Variants in CD226 observed in about 807,000 individuals in gnomAD.
CD226 encodes the protein CD226 molecule.
In CD226, 24 loss-of-function variants were observed where a neutral mutation model predicts 34.9. The observed-to-expected ratio is 0.69, with a 90% CI of 0.50 to 0.97. CD226 has a LOEUF of 0.97. Ranked by LOEUF, CD226 falls within the 50% of genes least tolerant of loss-of-function variation. The pLI, the probability that CD226 is intolerant of heterozygous loss-of-function variation, is 0.00. For synonymous variants in CD226, 148 were observed against 147.4 expected, an observed-to-expected ratio of 1.00 and a Z score of -0.03; for missense variants, 397 against 412.7, an observed-to-expected ratio of 0.96 and a Z score of 0.33.
intron 3 of CD226, among the ~76,000 whole-genome samples, chr18:69,888,946 C>A (rs967866384): frequency 6.6e-6 from 1 of 151,924 alleles, no homozygotes; most frequent in Non-Finnish European, 1.5e-5. Flanking sequence ...TGACTGCAGG[C>A]AAACATTCTA....
At chr18:69,954,847 A>G (rs1227002901) in intron 1 of CD226, among the ~76,000 whole-genome samples, 2 of 152,162 alleles carry the variant, frequency 1.3e-5, no homozygotes, top group African/African-American at 4.8e-5. Flanking sequence ...GATGAGCCCT[A>G]TTTATCAACA....
intron 2 of CD226, among the ~76,000 whole-genome samples, chr18:69,933,862 T>C (rs986141660): frequency 3.9e-5 from 6 of 152,236 alleles, no homozygotes; most frequent in African/African-American, 4.8e-5. Flanking sequence ...TGTGAGTAGT[T>C]GAAAATATTT....
At chr18:69,874,170 G>A (rs1287334117) in intron 3 of CD226, among the ~76,000 whole-genome samples, 1 of 152,182 alleles carries the variant, frequency 6.6e-6, no homozygotes, top group Admixed American at 6.5e-5. Context: ...TTTGTCAACT[G>A]ATGGCAATGG....
In CD226 at chr18:69,860,079, A is replaced by G. The variant is rs967864036; in HGVS notation, c.*4235T>C. ...AAAAGTGAAACTCCGTCTCAAAAAA[A>G]TAATAATAAAATAAAATACAAAGAA... On this transcript the variant is annotated 3_prime_UTR_variant, in exon 6 of 6. Transcript: ENST00000582621. 1 of 152,238 alleles carries G rather than the reference A, an allele frequency of 6.6e-6. No individual in the cohort carries two copies. Among genetic ancestry groups the G allele is most frequent in the Non-Finnish European group, 1.5e-5 (1 of 68,042 alleles). The allele number at this position is 152,238 out of a possible 1,614,324, so 9.4% of individuals were successfully genotyped here.
chr18:69,944,449 C>T (rs906845240), intron 2 of CD226: 3 of 152,120 alleles, frequency 2.0e-5, no homozygotes, highest in Non-Finnish European at 2.9e-5. Context: ...GGAAATATTC[C>T]GAAGACTATT....
intron 2 of CD226, among the ~76,000 whole-genome samples, chr18:69,926,504 T>C (rs939693341): frequency 1.3e-5 from 2 of 152,174 alleles, no homozygotes; most frequent in African/African-American, 4.8e-5. Context: ...TTACATATGA[T>C]AGGGAGGAGG....
intron 3 of CD226, among the ~76,000 whole-genome samples, chr18:69,882,092 T>G (rs1984297599): frequency 6.6e-6 from 1 of 152,194 alleles, no homozygotes; most frequent in Admixed American, 6.5e-5. Flanking sequence ...AATAAAAGTA[T>G]TATCAGGTTT....
chr18:69,882,944 A>G (rs760871151), intron 3 of CD226, among the ~76,000 whole-genome samples: 4 of 152,252 alleles, frequency 2.6e-5, no homozygotes, highest in Non-Finnish European at 5.9e-5. Context: ...TTGGGATTAC[A>G]GGCAGGAGCC....
chr18:69,881,156 ATTT>A (rs1984236350), intron 3 of CD226, among the ~76,000 whole-genome samples: 1 of 152,230 alleles, frequency 6.6e-6, no homozygotes. Flanking sequence ...CACAAATATT[ATTT>A]GTCAACTAAA....
chr18:69,905,867 AT>A (rs2055246612), intron 2 of CD226, among the ~76,000 whole-genome samples: 1 of 152,360 alleles, frequency 6.6e-6, no homozygotes, highest in Admixed American at 6.5e-5. Context: ...AGAAGCAGCT[AT>A]TGCCCGACGG....
intron 2 of CD226, among the ~76,000 whole-genome samples, chr18:69,943,848 G>A (rs556183836): frequency 2.6e-5 from 4 of 151,966 alleles, no homozygotes; most frequent in Admixed American, 6.6e-5. Flanking sequence ...GTAAAATTCC[G>A]CACATAATAA....
In CD226 at chr18:69,861,859, C is replaced by G. The variant is rs944221256; in HGVS notation, c.*2455G>C. ...GAAAGAAAATGAATGAATGGAATTT[C>G]ACAAGCATTACCCCTGAGGGTATAA... On this transcript the variant is annotated 3_prime_UTR_variant, in exon 6 of 6. Coordinates refer to ENST00000582621, the MANE Select transcript of CD226 (RefSeq NM_001303618.2). 6.6e-6 allele frequency: 1 copy of G among 152,012 alleles called. No individual in the cohort carries two copies. The highest frequency in any genetic ancestry group is 2.4e-5 in the African/African-American group (1 of 41,422). 9.4% of individuals were successfully genotyped at this position (152,012 alleles called of 1,614,324 possible). A position where few individuals can be genotyped will look rare whatever the true frequency, so the allele number is the denominator to read the frequency against.
chr18:69,945,910 C>G (rs140349120), intron 2 of CD226, among the ~76,000 whole-genome samples: 1 of 152,120 alleles, frequency 6.6e-6, no homozygotes, highest in African/African-American at 2.4e-5. Context: ...CAGGGGAACT[C>G]CTCTTTTTTA....
intron 2 of CD226, among the ~76,000 whole-genome samples, chr18:69,944,854 C>T (rs1277695960): frequency 1.3e-5 from 2 of 152,166 alleles, no homozygotes; most frequent in Non-Finnish European, 2.9e-5. Context: ...AAACATTTAA[C>T]TAAAGAAACA....
intron 2 of CD226, among the ~76,000 whole-genome samples, chr18:69,910,720 T>G (rs936331779): frequency 1.3e-5 from 2 of 152,112 alleles, no homozygotes; most frequent in Admixed American, 1.3e-4. Flanking sequence ...CACAATAATG[T>G]GAGATGTTAA....
chr18:69,944,573 G>A (rs2055766289), intron 2 of CD226: 1 of 152,222 alleles, frequency 6.6e-6, no homozygotes, highest in African/African-American at 2.4e-5. Flanking sequence ...GTTGTCCTGT[G>A]ACAGAAACCA....
chr18:69,947,063 C>T lies in CD226; in HGVS notation c.53G>A (p.Cys18Tyr), dbSNP rs1274908347. ...LALLHVYRAL[C>Y]EEVLWHTSVP... ...TGATGTATGCCAAAGCACCTCTTCA[C>T]ATAGAGCTGAAATATACAACATCAC... The change falls in exon 2 of 6, where the codon TGT becomes TAT. Residue 18 changes from cysteine (C) to tyrosine (Y), a missense_variant. Physicochemically the swap from Cys to Tyr is radical, Grantham distance 194 (BLOSUM62 -2). Transcript: ENST00000582621. The T allele has an allele frequency of 1.2e-6, 2 of 1,612,178 alleles. No homozygotes were observed. Among genetic ancestry groups the T allele is most frequent in the Non-Finnish European group, 1.7e-6 (2 of 1,178,412 alleles).
upstream of CD226, among the ~76,000 whole-genome samples, chr18:69,948,978 T>C (rs567565167): frequency 2.6e-5 from 4 of 152,134 alleles, no homozygotes; most frequent in South Asian, 4.1e-4. Context: ...TTCTAATAGA[T>C]TGTGGAAAAG....
At position 69,876,957 on chromosome 18, in the gene CD226, A is replaced by G. The variant is rs1383181100; in HGVS notation, c.728-3711T>C. 1.0e-4 allele frequency among the ~76,000 whole-genome samples: 14 copies of G among 134,448 alleles called. No homozygotes were observed. In the Admixed American group the frequency reaches 1.2e-3, roughly 11 times the overall value. The allele number at this position is 134,448 out of a possible 152,430, so 88.2% of individuals were successfully genotyped here. A position where few individuals can be genotyped will look rare whatever the true frequency, so the allele number is the denominator to read the frequency against. ...CGGCTCGCTGCAATCTCCGCCTCCC[A>G]GGTTCAAGTGATTCTCCTGCCTCAG... On this transcript the variant is annotated intron_variant, in intron 3 of 5. Transcript: ENST00000582621.
Sources: gnomAD v4.1 joint callset for allele counts (sites outside exome capture counted in the v4.1 genomes callset) on GRCh38, gnomAD v4.1.1 for gene constraint, MANE v1.5 for transcripts, NCBI Gene and HGNC (gene_info 2026-07-23, HGNC 2026-07-21) for gene names.